CDH22: variants seen among roughly 807,000 people sequenced by gnomAD.
CDH22 encodes cadherin 22, also known as cadherin-22.
Under a neutral mutation model 58.4 loss-of-function variants are expected in CDH22, and 30 were observed. The ratio of observed to expected loss-of-function variants is 0.51; its 90% CI spans 0.38 to 0.70. The LOEUF (loss-of-function observed/expected upper bound fraction) is 0.70. CDH22 is among the 30% of genes least tolerant of loss of function. The pLI, the probability that CDH22 is intolerant of heterozygous loss-of-function variation, is 0.00. For synonymous variants in CDH22, 513 were observed against 558.2 expected (o/e 0.92, Z 1.14); for missense variants, 1,014 against 1,233.9 (o/e 0.82, Z 2.67).
At chr20:46,249,515 G>C (rs1347682953) in intron 2 of CDH22, among the ~76,000 whole-genome samples, 2 of 152,168 alleles carry the variant, frequency 1.3e-5, no homozygotes, top group Non-Finnish European at 2.9e-5. Context: ...GTCTAGACCA[G>C]AGAAAATCTG....
intron 1 of CDH22, among the ~76,000 whole-genome samples, chr20:46,277,998 T>G (rs2086528921): frequency 8.9e-6 from 1 of 112,190 alleles, no homozygotes; most frequent in Non-Finnish European, 2.0e-5. Context: ...AGGCAGAAGG[T>G]AGGGGGCAGG....
chr20:46,251,333 G>A lies in CDH22; in HGVS notation c.-39C>T, dbSNP rs1230490282. 7 of 1,417,816 alleles carry A rather than the reference G, an allele frequency of 4.9e-6. No homozygotes were observed. The highest frequency in any genetic ancestry group is 1.5e-5 in the South Asian group (1 of 67,720). The allele number at this position is 1,417,816 out of a possible 1,614,324, so 87.8% of individuals were successfully genotyped here. A position where few individuals can be genotyped will look rare whatever the true frequency, so the allele number is the denominator to read the frequency against. ...GGGGCTGGGGCCCAGGAGCATGGACGAGAGGCACCAGGGCGCCGCTGCTTG... is the reference window on the plus strand; with the variant it reads ...GGGGCTGGGGCCCAGGAGCATGGACAAGAGGCACCAGGGCGCCGCTGCTTG... On this transcript the variant is annotated 5_prime_UTR_variant, in exon 2 of 12. Transcript: ENST00000537909. This position sits in a 1 kb window ranked among gnomAD's most constrained non-coding sequence, Gnocchi z 6.7.
At chr20:46,203,685 G>C (rs6032719) in intron 7 of CDH22, among the ~76,000 whole-genome samples, 42,464 of 152,128 alleles carry the variant, frequency 0.28, 8,253 homozygotes, top group African/African-American at 0.56. Flanking sequence ...TATTGTCACT[G>C]TAATTATTAT....
At position 46,187,909 on chromosome 20, in the gene CDH22, C is replaced by A. The variant is rs114633334; in HGVS notation, c.1424-962G>T. Among the ~76,000 whole-genome samples the A allele has an allele frequency of 4.4e-3, 674 of 152,228 alleles. 7 individuals carry two copies. The highest frequency in any genetic ancestry group is 0.015 in the African/African-American group (604 of 41,526). ...CGTGGGATGCTTTCTAGACATGGGT[C>A]GGGGCAACTAAACTCCAAGACTTCT... On this transcript the variant is annotated intron_variant, in intron 8 of 11. Coordinates refer to ENST00000537909, the MANE Select transcript of CDH22 (RefSeq NM_021248.3).
intron 1 of CDH22, among the ~76,000 whole-genome samples, chr20:46,294,270 G>A (rs13042657): frequency 0.28 from 42,220 of 151,966 alleles, 6,963 homozygotes; most frequent in African/African-American, 0.46. Flanking sequence ...TGAGTCTCTG[G>A]TTGCAAACGA....
intron 7 of CDH22, among the ~76,000 whole-genome samples, chr20:46,209,247 A>C (rs2086021650): frequency 6.6e-6 from 1 of 152,170 alleles, no homozygotes; most frequent in Non-Finnish European, 1.5e-5. Flanking sequence ...TATGGGGGCT[A>C]TTAGGGCGAG....
At chr20:46,214,845 T>C (rs949941506) in intron 5 of CDH22, among the ~76,000 whole-genome samples, 2 of 152,268 alleles carry the variant, frequency 1.3e-5, no homozygotes, top group Admixed American at 6.5e-5. Flanking sequence ...TTTCTGTTTA[T>C]TCTCTCTCTT....
chr20:46,251,562 G>A lies in CDH22; in HGVS notation c.-268C>T. On this transcript the variant is annotated 5_prime_UTR_variant, in exon 2 of 12. Coordinates refer to ENST00000537909, the MANE Select transcript of CDH22 (RefSeq NM_021248.3). This position sits in a 1 kb window ranked among gnomAD's most constrained non-coding sequence, Gnocchi z 6.7. ...CCGCCCGCGCCCCCGTCGCCGCGTC[G>A]CGTGCGGATCACCAGGCAGCACCTG... is the stretch of plus-strand genomic sequence containing the variant. 3.6e-6 allele frequency: 1 copy of A among 276,350 alleles called. No homozygotes were observed. Among genetic ancestry groups the A allele is most frequent in the Non-Finnish European group, 6.7e-6 (1 of 150,140 alleles). 17.1% of individuals were successfully genotyped at this position (276,350 alleles called of 1,614,324 possible).
intron 1 of CDH22, among the ~76,000 whole-genome samples, chr20:46,297,160 T>C (rs922016602): frequency 1.3e-5 from 2 of 152,074 alleles, no homozygotes; most frequent in African/African-American, 4.8e-5. Flanking sequence ...GAGGGTGGCA[T>C]GAGGGCTCGA....
In CDH22 at chr20:46,181,764, T is replaced by C. The variant is rs184410721; in HGVS notation, c.1664-3567A>G. 9.6e-3 allele frequency among the ~76,000 whole-genome samples: 375 copies of C among 39,214 alleles called. 1 individual carries two copies. Among genetic ancestry groups the C allele is most frequent in the African/African-American group, 0.021 (201 of 9,656 alleles). The allele number at this position is 39,214 out of a possible 152,430, so 25.7% of individuals were successfully genotyped here. ...CCTTCCTTCCTTCCTTCTTTCTTTC[T>C]TTCTTTCTTTCTTTCTTTCTTTCTT... On this transcript the variant is annotated intron_variant, in intron 10 of 11. Coordinates refer to ENST00000537909, the MANE Select transcript of CDH22 (RefSeq NM_021248.3).
intron 1 of CDH22, among the ~76,000 whole-genome samples, chr20:46,303,958 G>A (rs2086663755): frequency 6.6e-6 from 1 of 152,176 alleles, no homozygotes; most frequent in Non-Finnish European, 1.5e-5. Context: ...TGCCACAACA[G>A]GTTAGGCATG....
At chr20:46,176,165 T>C (rs2085737045) in intron 11 of CDH22, among the ~76,000 whole-genome samples, 1 of 152,172 alleles carries the variant, frequency 6.6e-6, no homozygotes, top group Non-Finnish European at 1.5e-5. Flanking sequence ...GATTCAGACC[T>C]CGGTTCTGTG....
intron 1 of CDH22, among the ~76,000 whole-genome samples, chr20:46,275,587 AC>A (rs2086513527): frequency 6.6e-6 from 1 of 152,150 alleles, no homozygotes; most frequent in Non-Finnish European, 1.5e-5. Flanking sequence ...GGTTCAATTC[AC>A]TGATGTATCC....
chr20:46,239,583 AC>A (rs1473352902), intron 3 of CDH22, among the ~76,000 whole-genome samples: 2 of 152,116 alleles, frequency 1.3e-5, no homozygotes, highest in African/African-American at 4.8e-5. Context: ...GAGCTCAAGC[AC>A]TCCTGGCCTC....
At chr20:46,246,279 G>T (rs952901285) in intron 2 of CDH22, among the ~76,000 whole-genome samples, 7 of 152,158 alleles carry the variant, frequency 4.6e-5, no homozygotes. Context: ...TGTGCTACTC[G>T]TAAACCAGGA....
intron 1 of CDH22, among the ~76,000 whole-genome samples, chr20:46,281,139 GT>G (rs1360714681): frequency 6.6e-6 from 1 of 152,232 alleles, no homozygotes; most frequent in African/African-American, 2.4e-5. Flanking sequence ...GCCATTGAAA[GT>G]TTGATCAAGG....
intron 1 of CDH22, among the ~76,000 whole-genome samples, chr20:46,283,364 C>T (rs1342441795): frequency 6.6e-6 from 1 of 152,160 alleles, no homozygotes; most frequent in East Asian, 1.9e-4. Context: ...GGGACACGTT[C>T]CCTAACATCT....
intron 1 of CDH22, among the ~76,000 whole-genome samples, chr20:46,259,289 A>G (rs2086420660): frequency 6.6e-6 from 1 of 152,200 alleles, no homozygotes. Context: ...TTATCCATTC[A>G]ATGAACACTT....
intron 8 of CDH22, among the ~76,000 whole-genome samples, chr20:46,187,430 A>T (rs981725444): frequency 6.6e-6 from 1 of 152,050 alleles, no homozygotes; most frequent in Non-Finnish European, 1.5e-5. Flanking sequence ...CACCACTGCC[A>T]TCACCACCAT....
Sources: gnomAD v4.1 joint callset for allele counts (sites outside exome capture counted in the v4.1 genomes callset) on GRCh38, gnomAD v4.1.1 for gene constraint, Gnocchi (gnomAD v3.1) non-coding constraint, MANE v1.5 for transcripts, NCBI Gene and HGNC (gene_info 2026-07-23, HGNC 2026-07-21) for gene names.